The following GRK4 variants were observed in gnomAD, a reference collection of about 807,000 sequenced individuals.
GRK4 encodes the protein G protein-coupled receptor kinase 2-like.
A neutral mutation model predicts 77.9 loss-of-function variants in GRK4; 73 were observed. The observed-to-expected ratio is 0.94, with a 90% CI of 0.78 to 1.14. The LOEUF is 1.14. GRK4 is among the 50% of genes most tolerant of loss of function. The pLI, the probability that GRK4 is intolerant of heterozygous loss-of-function variation, is 0.00. For missense variants in GRK4, 729 were observed against 700.2 expected (o/e 1.04, Z -0.46); for synonymous variants, 257 against 254.4 (o/e 1.01, Z -0.10).
At chr4:3,035,261 A>C in intron 12 of GRK4, 125 bp from the exon 13 acceptor site, 1 of 997,950 alleles carries the variant, frequency 1.0e-6, no homozygotes, top group Admixed American at 1.9e-5. Context: ...AGAAAAAAAA[A>C]GAAATGATTT....
chr4:2,976,949 TC>T (rs1721394474), intron 1 of GRK4, among the ~76,000 whole-genome samples: 1 of 152,202 alleles, frequency 6.6e-6, no homozygotes, highest in Non-Finnish European at 1.5e-5. Context: ...GAATTTTCTT[TC>T]TTTCAAGTCT....
In GRK4 at chr4:3,037,415, G is replaced by A. The variant is rs1409359445; in HGVS notation, c.1449G>A (p.Gln483=). 3 of 1,611,168 alleles carry A rather than the reference G, an allele frequency of 1.9e-6. No homozygotes were observed. The East Asian group carries it at 6.7e-5, about 36-fold the overall frequency. ...GTAAGGACGTCCTGGATATCGAGCA[G>A]TTCTCGGTGGTGAAAGGGATCTACC... The part of the protein sequence containing the change: ...VYCKDVLDIE[Q]FSVVKGIYLD... Residue 483 remains glutamine, a synonymous_variant, in exon 14 of 16, where the codon CAG becomes CAA. Coordinates refer to ENST00000398052, the MANE Select transcript of GRK4 (RefSeq NM_182982.3).
chr4:2,984,745 T>G (rs994935198), intron 2 of GRK4, 137 bp downstream of exon 2: 1 of 420,794 alleles, frequency 2.4e-6, no homozygotes, highest in African/African-American at 2.1e-5. Context: ...ATGATTCCTC[T>G]CAGGAAAAAA....
intron 1 of GRK4, among the ~76,000 whole-genome samples, chr4:2,968,248 AATGCAG>A (rs1718387049): frequency 6.6e-6 from 1 of 152,198 alleles, no homozygotes. Flanking sequence ...ATTGAAAACA[AATGCAG>A]AGAGGAATAC....
At chr4:2,964,743 T>C (rs1246370527) in intron 1 of GRK4, among the ~76,000 whole-genome samples, 1 of 152,138 alleles carries the variant, frequency 6.6e-6, no homozygotes, top group Non-Finnish European at 1.5e-5. Flanking sequence ...TAGTAATAAG[T>C]ACTGCATTCA....
At chr4:3,037,334 T>C (rs199774701) in intron 13 of GRK4, 40 bp from the exon 14 acceptor site, 416 of 1,547,028 alleles carry the variant, frequency 2.7e-4, no homozygotes, top group Non-Finnish European at 3.5e-4. Flanking sequence ...TGAGAATTGC[T>C]GTAGTCATCT....
intron 5 of GRK4, 138 bp from the exon 6 acceptor site, chr4:3,007,598 G>A (rs1182006708): frequency 3.8e-6 from 2 of 521,092 alleles, no homozygotes. Flanking sequence ...GTGGACTTCT[G>A]TAATTGCAAA....
Position 2,963,975 on chromosome 4 carries a change from G to T in GRK4, c.-96G>T, listed in dbSNP as rs111635147. On this transcript the variant is annotated 5_prime_UTR_variant, in exon 1 of 16. Coordinates refer to ENST00000398052, the MANE Select transcript of GRK4 (RefSeq NM_182982.3). ...GGAGCTCGAGGAGAGGGTGGTGCCCGGCGAGCTATGCACGGGGGCGGCGGC... is the reference window on the plus strand; with the variant it reads ...GGAGCTCGAGGAGAGGGTGGTGCCCTGCGAGCTATGCACGGGGGCGGCGGC... 2.7e-6 allele frequency: 3 copies of T among 1,124,654 alleles called. No individual in the cohort carries two copies. The highest frequency in any genetic ancestry group is 4.0e-5 in the Admixed American group (2 of 50,514). 69.7% of individuals were successfully genotyped at this position (1,124,654 alleles called of 1,614,324 possible). A position where few individuals can be genotyped will look rare whatever the true frequency, so the allele number is the denominator to read the frequency against.
chr4:3,018,653 G>T (rs532356753), intron 8 of GRK4, among the ~76,000 whole-genome samples: 2 of 152,310 alleles, frequency 1.3e-5, no homozygotes, highest in South Asian at 4.1e-4. Context: ...CGAGGCAGGT[G>T]GATCACTTGA....
At chr4:2,972,521 C>T (rs2093839768) in intron 1 of GRK4, among the ~76,000 whole-genome samples, 1 of 151,802 alleles carries the variant, frequency 6.6e-6, no homozygotes, top group Non-Finnish European at 1.5e-5. Context: ...GTGCCCCAAA[C>T]CTGCGGGGGG....
At chr4:2,967,647 C>T (rs1718129862) in intron 1 of GRK4, among the ~76,000 whole-genome samples, 1 of 152,220 alleles carries the variant, frequency 6.6e-6, no homozygotes, top group Non-Finnish European at 1.5e-5. Context: ...GATTCGCCCA[C>T]CTCAGCCTCC....
intron 1 of GRK4, among the ~76,000 whole-genome samples, chr4:2,964,407 C>G (rs1356083491): frequency 6.6e-6 from 1 of 152,160 alleles, no homozygotes; most frequent in Non-Finnish European, 1.5e-5. Flanking sequence ...GTCCTGTCCT[C>G]TCGGTGTGAC....
At chr4:3,009,834 G>A in intron 7 of GRK4, 123 bp downstream of exon 7, 1 of 600,934 alleles carries the variant, frequency 1.7e-6, no homozygotes, top group Non-Finnish European at 2.9e-6. Context: ...GGGTGTTTTG[G>A]GAATAATCTT....
rs1737855950 is a variant in GRK4 at position 3,027,305 on chromosome 4, C to A, written c.971-607C>A. Among the ~76,000 whole-genome samples the A allele has an allele frequency of 1.3e-5, 2 of 152,312 alleles. 1 individual carries two copies. Among genetic ancestry groups the A allele is most frequent in the South Asian group, 4.1e-4 (2 of 4,826 alleles). ...CAAGTAATCCTCCGACCTTGGCCTC[C>A]CAAAGTGCTGGAATTACAGGTGTGA... On this transcript the variant is annotated intron_variant, in intron 10 of 15. Coordinates refer to ENST00000398052, the MANE Select transcript of GRK4 (RefSeq NM_182982.3).
At chr4:2,971,617 G>C (rs1719567063) in intron 1 of GRK4, among the ~76,000 whole-genome samples, 2 of 152,236 alleles carry the variant, frequency 1.3e-5, no homozygotes, top group African/African-American at 4.8e-5. Context: ...TATTGTGTGA[G>C]TTTGCTAGGG....
intron 8 of GRK4, among the ~76,000 whole-genome samples, chr4:3,014,385 C>T (rs1733846928): frequency 6.6e-6 from 1 of 151,460 alleles, no homozygotes; most frequent in African/African-American, 2.4e-5. Flanking sequence ...CAGCCTCAAC[C>T]TTCCAGGCCC....
intron 1 of GRK4, chr4:2,966,216 A>G (rs1337545641): frequency 6.6e-6 from 1 of 152,226 alleles, no homozygotes; most frequent in Non-Finnish European, 1.5e-5. Context: ...GATTGAGACC[A>G]TCCTGGCTAA....
At chr4:3,025,420 T>C (rs1352086843) in intron 10 of GRK4, among the ~76,000 whole-genome samples, 4 of 146,922 alleles carry the variant, frequency 2.7e-5, no homozygotes, top group South Asian at 2.3e-4. Flanking sequence ...GACGGAGTCT[T>C]GCTCTGTCGC....
At chr4:3,005,411 C>G (rs1731009083) in intron 5 of GRK4, among the ~76,000 whole-genome samples, 1 of 151,914 alleles carries the variant, frequency 6.6e-6, no homozygotes, top group Non-Finnish European at 1.5e-5. Flanking sequence ...GCCGTTGCAG[C>G]TCACATGTGG....
Sources: gnomAD v4.1 joint callset for allele counts (sites outside exome capture counted in the v4.1 genomes callset) on GRCh38, gnomAD v4.1.1 for gene constraint, MANE v1.5 for transcripts, NCBI Gene and HGNC (gene_info 2026-07-23, HGNC 2026-07-21) for gene names.